CPSF3: variants seen among roughly 807,000 people sequenced by gnomAD.
CPSF3 encodes cleavage and polyadenylation specific factor 3.
A neutral mutation model predicts 84.1 loss-of-function variants in CPSF3; 57 were observed. The observed-to-expected ratio is 0.68, with a 90% CI of 0.55 to 0.85. CPSF3 has a LOEUF of 0.85. Among genes scored for constraint, CPSF3 ranks in the 40% least tolerant of loss-of-function variants. CPSF3 has a pLI of 0.00. For missense variants in CPSF3, 522 were observed against 838.8 expected (o/e 0.62, Z 4.66); for synonymous variants, 275 against 278.1 (o/e 0.99, Z 0.11).
chr2:9,450,822 A>G (rs1212700014), intron 11 of CPSF3, among the ~76,000 whole-genome samples: 2 of 152,138 alleles, frequency 1.3e-5, no homozygotes, highest in Admixed American at 6.6e-5. Flanking sequence ...TTTAATACAT[A>G]ATGAGCCAAA....
chr2:9,440,095 T>G (rs1161012630), intron 7 of CPSF3, among the ~76,000 whole-genome samples: 1 of 152,218 alleles, frequency 6.6e-6, no homozygotes, highest in Admixed American at 6.5e-5. Context: ...CTGTTTGAAA[T>G]ATTAATAATA....
chr2:9,430,743 C>CT lies in CPSF3; in HGVS notation c.213-4dup. 1 of 1,597,728 alleles carries CT rather than the reference C, an allele frequency of 6.3e-7. No homozygotes were observed. Among genetic ancestry groups the CT allele is most frequent in the Non-Finnish European group, 8.5e-7 (1 of 1,175,544 alleles). Reference sequence around the variant, plus strand: ...TTTTAAGAATTAATGCAGCCTCTTTCTTTTTAAGTTTCCATTTGGATCACT... The same window carrying CT: ...TTTTAAGAATTAATGCAGCCTCTTTCTTTTTTAAGTTTCCATTTGGATCACT... On this transcript the variant is annotated splice_polypyrimidine_tract_variant and intron_variant, in intron 3 of 17. Transcript: ENST00000238112.
chr2:9,453,617 G>T (rs1389774712), intron 12 of CPSF3, among the ~76,000 whole-genome samples: 2 of 152,186 alleles, frequency 1.3e-5, no homozygotes, highest in African/African-American at 4.8e-5. Context: ...ATTGGGCAGG[G>T]TGCAGTAGCT....
intron 1 of CPSF3, chr2:9,424,119 C>T (rs1572758419): frequency 8.7e-7 from 1 of 1,153,416 alleles, no homozygotes. Context: ...CGCTAAGAAG[C>T]GTTTTCACTT....
At chr2:9,465,115 C>T (rs982761370) in intron 15 of CPSF3, among the ~76,000 whole-genome samples, 2 of 151,888 alleles carry the variant, frequency 1.3e-5, no homozygotes, top group Admixed American at 6.6e-5. Flanking sequence ...GAGTCTTTTC[C>T]GTAGAGTAGA....
At position 9,436,169 on chromosome 2, in the gene CPSF3, G is replaced by A. The variant is rs968863844; in HGVS notation, c.610-42G>A. On this transcript the variant is annotated intron_variant, in intron 6 of 17. Transcript: ENST00000238112. ...GATGTTTAACTTTTGAATTCTTGGA[G>A]GATCATTGGTCTTAGTCTCACACTT... 6.8e-6 allele frequency: 10 copies of A among 1,481,292 alleles called. No homozygotes were observed. In the African/African-American group the frequency reaches 1.1e-4, roughly 17 times the overall value. The allele number at this position is 1,481,292 out of a possible 1,614,324, so 91.8% of individuals were successfully genotyped here.
chr2:9,440,582 A>T lies in CPSF3; in HGVS notation c.852A>T (p.Thr284=). Residue 284 remains threonine, a synonymous_variant, in exon 8 of 18, where the codon ACA becomes ACT. Transcript: ENST00000238112. ...LAKKCMAVYQ[T]YVNAMNDKIR... ...AGAAGTGTATGGCAGTGTACCAGAC[A>T]TATGTAAATGCCATGAATGACAAAA... The T allele has an allele frequency of 6.2e-7, 1 of 1,614,202 alleles. No individual in the cohort carries two copies.
intron 1 of CPSF3, among the ~76,000 whole-genome samples, chr2:9,427,515 G>A (rs542923259): frequency 5.9e-5 from 9 of 152,254 alleles, no homozygotes; most frequent in African/African-American, 2.2e-4. Flanking sequence ...GAAGGCCAGG[G>A]TATCCACAAT....
intron 1 of CPSF3, among the ~76,000 whole-genome samples, chr2:9,425,333 G>A (rs1680345460): frequency 6.6e-6 from 1 of 152,204 alleles, no homozygotes; most frequent in African/African-American, 2.4e-5. Flanking sequence ...CAGGGAGCCA[G>A]CGAAGGCTAT....
At chr2:9,424,019 C>A in intron 1 of CPSF3, 196 bp downstream of exon 1, 1 of 1,300,978 alleles carries the variant, frequency 7.7e-7, no homozygotes, top group South Asian at 2.2e-5. Flanking sequence ...ATAGAGTGAA[C>A]GGGATTTTGC....
At chr2:9,460,238 G>A (rs1681688787) in intron 15 of CPSF3, among the ~76,000 whole-genome samples, 1 of 152,034 alleles carries the variant, frequency 6.6e-6, no homozygotes, top group African/African-American at 2.4e-5. Flanking sequence ...GACCATCCTG[G>A]CTAACACGGT....
intron 4 of CPSF3, 22 bp from the exon 5 acceptor site, chr2:9,432,488 TG>T: frequency 7.0e-7 from 1 of 1,426,656 alleles, no homozygotes. Flanking sequence ...TAATTGTTTT[TG>T]CTGGCATCTT....
chr2:9,455,801 T>A (rs759423830), intron 13 of CPSF3, 44 bp downstream of exon 13: 4 of 1,362,134 alleles, frequency 2.9e-6, no homozygotes, highest in Non-Finnish European at 4.1e-6. Flanking sequence ...TTCTGTCTTT[T>A]AGTAAGATAA....
At chr2:9,433,199 C>T (rs900462668) in intron 5 of CPSF3, among the ~76,000 whole-genome samples, 3 of 152,118 alleles carry the variant, frequency 2.0e-5, no homozygotes, top group African/African-American at 7.2e-5. Flanking sequence ...CCAGAGCAGC[C>T]GCTCTGAACT....
At chr2:9,425,039 G>A (rs59265094) in intron 1 of CPSF3, 12,371 of 152,254 alleles carry the variant, frequency 0.081, 1,657 homozygotes, top group African/African-American at 0.28. Context: ...ATGGAAAAGG[G>A]ATTTCTGACA....
At chr2:9,456,868 A>G (rs755435252) in intron 13 of CPSF3, 65 bp from the exon 14 acceptor site, 5 of 992,940 alleles carry the variant, frequency 5.0e-6, no homozygotes, top group Non-Finnish European at 7.5e-6. Context: ...TCTATAAACA[A>G]ACGAATGGTC....
At chr2:9,467,601 G>A in intron 15 of CPSF3, 106 bp from the exon 16 acceptor site, 1 of 716,656 alleles carries the variant, frequency 1.4e-6, no homozygotes, top group Non-Finnish European at 2.3e-6. Context: ...GGATTCCATA[G>A]TTATTCACTT....
rs1680681848 is a variant in CPSF3, at chr2:9,433,850, CT to C, written c.520-20del. ...GAAGCCTTCCCCAAATCCTAACTTT[CT>C]AGTTTTATCTTTTTCACAGCTTTTG... On this transcript the variant is annotated intron_variant, in intron 5 of 17. Transcript: ENST00000238112. 1 of 1,543,898 alleles carries C rather than the reference CT, an allele frequency of 6.5e-7. No individual in the cohort carries two copies.
intron 17 of CPSF3, among the ~76,000 whole-genome samples, chr2:9,471,731 CT>C (rs1220078887): frequency 6.6e-6 from 1 of 151,700 alleles, no homozygotes; most frequent in Non-Finnish European, 1.5e-5. Flanking sequence ...CTAGTTGACT[CT>C]CCATTTTTTA....
Sources: gnomAD v4.1 joint callset for allele counts (sites outside exome capture counted in the v4.1 genomes callset) on GRCh38, gnomAD v4.1.1 for gene constraint, MANE v1.5 for transcripts, NCBI Gene and HGNC (gene_info 2026-07-23, HGNC 2026-07-21) for gene names.